Variants in RARB observed in about 807,000 individuals in gnomAD.
RARB encodes the protein retinoic acid receptor beta, also known as HBV-activated protein.
RARB carries 17 observed loss-of-function variants against 51.9 expected under a neutral mutation model. The ratio of observed to expected loss-of-function variants is 0.33; its 90% confidence interval spans 0.22 to 0.49. The LOEUF (loss-of-function observed/expected upper bound fraction) is 0.49. Among genes scored for constraint, RARB ranks in the 20% least tolerant of loss-of-function variants. The pLI is 0.99. For missense variants in RARB, 369 were observed against 550.8 expected (o/e 0.67, Z 3.30); for synonymous variants, 215 against 195.4 (o/e 1.10, Z -0.84).
At chr3:24,948,597 C>A (rs115387871) in intron 2 of RARB, among the ~76,000 whole-genome samples, 1 of 152,150 alleles carries the variant, frequency 6.6e-6, no homozygotes, top group Non-Finnish European at 1.5e-5. Context: ...CCTACCTATT[C>A]CCCATGGAGA....
intron 5 of RARB, among the ~76,000 whole-genome samples, chr3:25,343,456 C>CT (rs141171552): frequency 1.1e-3 from 166 of 146,584 alleles, no homozygotes; most frequent in Middle Eastern, 7.1e-3. Context: ...TCATTTCTGG[C>CT]TTTTTTTTTT....
intron 4 of RARB, among the ~76,000 whole-genome samples, chr3:25,570,528 C>A (rs552240165): frequency 1.3e-5 from 2 of 152,142 alleles, no homozygotes; most frequent in Non-Finnish European, 2.9e-5. Context: ...TGCTTCCCAG[C>A]GTTCCACTAG....
chr3:24,911,926 A>T (rs2363521), intron 2 of RARB, among the ~76,000 whole-genome samples: 51,170 of 152,164 alleles, frequency 0.34, 10,899 homozygotes, highest in Non-Finnish European at 0.46. Context: ...GTGCCCATGT[A>T]AAAAGAATGA....
At chr3:24,918,360 G>T in intron 2 of RARB, among the ~76,000 whole-genome samples, 1 of 152,304 alleles carries the variant, frequency 6.6e-6, no homozygotes, top group East Asian at 1.9e-4. Context: ...CCTAGAAAAT[G>T]CAGATCTATA....
intron 2 of RARB, 91 bp downstream of exon 2, chr3:25,461,432 T>C (rs1695174557): frequency 7.1e-7 from 1 of 1,403,958 alleles, no homozygotes; most frequent in Non-Finnish European, 9.7e-7. Flanking sequence ...GGGCTGGATG[T>C]GTAACATCAC....
chr3:25,006,019 G>A (rs1206182899), intron 2 of RARB, among the ~76,000 whole-genome samples: 1 of 152,024 alleles, frequency 6.6e-6, no homozygotes, highest in Non-Finnish European at 1.5e-5. Flanking sequence ...CCACCTCAGG[G>A]CTTTTGCACT....
intron 5 of RARB, among the ~76,000 whole-genome samples, chr3:25,204,361 C>T (rs914464428): frequency 9.2e-5 from 14 of 152,232 alleles, no homozygotes; most frequent in East Asian, 1.9e-4. Flanking sequence ...TTCTTTGCCA[C>T]GAGTTTGAAC....
At chr3:25,131,451 C>A (rs13077701) in intron 3 of RARB, among the ~76,000 whole-genome samples, 82,293 of 151,794 alleles carry the variant, frequency 0.54, 22,619 homozygotes, top group East Asian at 0.7. Flanking sequence ...GTTTTATAGT[C>A]GTATTGTTTG....
intron 5 of RARB, among the ~76,000 whole-genome samples, chr3:25,295,242 G>A (rs1703889431): frequency 6.6e-6 from 1 of 152,140 alleles, no homozygotes; most frequent in South Asian, 2.1e-4. Context: ...AAATCCACAT[G>A]TTGAAATCCA....
intron 1 of RARB, among the ~76,000 whole-genome samples, 181 bp from the exon 2 acceptor site, chr3:25,461,012 G>A (rs1695152266): frequency 6.6e-6 from 1 of 152,176 alleles, no homozygotes; most frequent in Non-Finnish European, 1.5e-5. Context: ...AAACCGTAGA[G>A]TACCACATCA....
chr3:25,157,497 A>G (rs892918195), intron 4 of RARB, among the ~76,000 whole-genome samples: 2 of 151,806 alleles, frequency 1.3e-5, no homozygotes, highest in African/African-American at 4.8e-5. Flanking sequence ...TCAGCCTCCC[A>G]GGTGATTCTC....
chr3:25,257,598 C>T (rs989239240), intron 5 of RARB, among the ~76,000 whole-genome samples: 11 of 152,004 alleles, frequency 7.2e-5, no homozygotes, highest in African/African-American at 2.7e-4. Flanking sequence ...ATCAGGAGAT[C>T]TGTCTTGTTA....
At chr3:25,594,789 G>T in intron 7 of RARB, 111 bp downstream of exon 7, 5 of 1,024,090 alleles carry the variant, frequency 4.9e-6, no homozygotes, top group Non-Finnish European at 3.9e-6. Context: ...TAAAGTCTTG[G>T]AACTCATTTC....
chr3:25,083,927 C>T (rs1160069649), intron 3 of RARB, among the ~76,000 whole-genome samples: 3 of 152,094 alleles, frequency 2.0e-5, no homozygotes, highest in African/African-American at 7.2e-5. Context: ...CCTGGGTATT[C>T]AGCAATTTTT....
chr3:24,959,580 G>A (rs374383304), intron 2 of RARB, among the ~76,000 whole-genome samples: 5 of 152,358 alleles, frequency 3.3e-5, no homozygotes, highest in African/African-American at 1.2e-4. Context: ...GGGATGTAAA[G>A]TTCTCACATG....
chr3:25,279,159 A>G (rs747876406), intron 5 of RARB, among the ~76,000 whole-genome samples: 1 of 152,218 alleles, frequency 6.6e-6, no homozygotes, highest in Admixed American at 6.5e-5. Context: ...AATATTCACA[A>G]CATCAAAATG....
intron 5 of RARB, among the ~76,000 whole-genome samples, chr3:25,238,149 CG>C (rs1023428549): frequency 1.5e-4 from 17 of 116,878 alleles, no homozygotes; most frequent in East Asian, 2.2e-4. Context: ...CATCCTCCAG[CG>C]CCCCCCCACA....
At chr3:25,188,260 A>G (rs1701021702) in intron 5 of RARB, among the ~76,000 whole-genome samples, 1 of 152,062 alleles carries the variant, frequency 6.6e-6, no homozygotes, top group Non-Finnish European at 1.5e-5. Context: ...ATCATTGAAT[A>G]CTCATTGCTC....
At chr3:25,206,661 A>G (rs902733623) in intron 5 of RARB, among the ~76,000 whole-genome samples, 1 of 152,224 alleles carries the variant, frequency 6.6e-6, no homozygotes, top group Non-Finnish European at 1.5e-5. Flanking sequence ...TTTGCATGAA[A>G]TACAGTAGCT....
Sources: gnomAD v4.1 joint callset for allele counts (sites outside exome capture counted in the v4.1 genomes callset) on GRCh38, gnomAD v4.1.1 for gene constraint, MANE v1.5 for transcripts, NCBI Gene and HGNC (gene_info 2026-07-23, HGNC 2026-07-21) for gene names.